Variants in PTPRT observed in about 807,000 individuals in gnomAD.
PTPRT encodes the protein receptor-type tyrosine-protein phosphatase T.
A neutral mutation model predicts 176.8 loss-of-function variants in PTPRT; 56 were observed. The observed-to-expected ratio is 0.32, with a 90% CI of 0.26 to 0.40. The LOEUF (loss-of-function observed/expected upper bound fraction) is 0.40, where lower values mean the gene tolerates loss of function less well. PTPRT is among the 10% of genes least tolerant of loss of function. The pLI, the probability that PTPRT is intolerant of heterozygous loss-of-function variation, is 1.00. For missense variants in PTPRT, 1,540 were observed against 1,908.2 expected (o/e 0.81, Z 3.60); for synonymous variants, 783 against 739.0 (o/e 1.06, Z -0.96).
intron 12 of PTPRT, among the ~76,000 whole-genome samples, chr20:42,315,446 T>C (rs764961607): frequency 2.0e-5 from 3 of 152,182 alleles, no homozygotes; most frequent in East Asian, 1.9e-4. Context: ...AAAGGTTTTA[T>C]GTAAAAAGCC....
At chr20:43,090,429 G>A (rs1014007072) in intron 1 of PTPRT, among the ~76,000 whole-genome samples, 3 of 152,000 alleles carry the variant, frequency 2.0e-5, no homozygotes, top group Non-Finnish European at 2.9e-5. Context: ...CACCACGCCT[G>A]GCTAATTTTT....
At chr20:42,590,216 T>C (rs1440602000) in intron 7 of PTPRT, among the ~76,000 whole-genome samples, 1 of 152,090 alleles carries the variant, frequency 6.6e-6, no homozygotes, top group Non-Finnish European at 1.5e-5. Context: ...ACCTCCAGAC[T>C]TGTGAGTGAG....
intron 1 of PTPRT, among the ~76,000 whole-genome samples, chr20:42,890,515 A>T (rs529393512): frequency 6.6e-6 from 1 of 152,334 alleles, no homozygotes; most frequent in Admixed American, 6.5e-5. Context: ...TTCAGAAAGA[A>T]CTGGAACTCT....
chr20:43,043,753 T>C (rs1986728303), intron 1 of PTPRT, among the ~76,000 whole-genome samples: 1 of 152,156 alleles, frequency 6.6e-6, no homozygotes. Context: ...CCTTCCTATT[T>C]AACAAATGGG....
chr20:42,977,738 T>C (rs1983031217), intron 1 of PTPRT, among the ~76,000 whole-genome samples: 1 of 152,244 alleles, frequency 6.6e-6, no homozygotes, highest in African/African-American at 2.4e-5. Context: ...CTGCAGATAA[T>C]TATATCAAAT....
chr20:42,256,560 A>G (rs2056644224), intron 13 of PTPRT, among the ~76,000 whole-genome samples: 1 of 152,008 alleles, frequency 6.6e-6, no homozygotes, highest in South Asian at 2.1e-4. Context: ...ACAGGAAAAA[A>G]AAATAGACTA....
chr20:42,538,488 A>G (rs6093672), intron 7 of PTPRT, among the ~76,000 whole-genome samples: 39,710 of 152,030 alleles, frequency 0.26, 6,987 homozygotes, highest in African/African-American at 0.5. Context: ...AAGCATGTAA[A>G]AGCATCTTGA....
chr20:42,273,103 C>T (rs1009246007), intron 13 of PTPRT, among the ~76,000 whole-genome samples: 1 of 152,174 alleles, frequency 6.6e-6, no homozygotes, highest in Non-Finnish European at 1.5e-5. Flanking sequence ...CATTGCCTCT[C>T]CCATGAACTA....
At chr20:42,747,757 G>A (rs1415660442) in intron 6 of PTPRT, among the ~76,000 whole-genome samples, 1 of 152,162 alleles carries the variant, frequency 6.6e-6, no homozygotes, top group South Asian at 2.1e-4. Context: ...GAGAATAAGA[G>A]GGCAAATATG....
At chr20:43,041,070 T>C (rs1986585699) in intron 1 of PTPRT, among the ~76,000 whole-genome samples, 1 of 152,190 alleles carries the variant, frequency 6.6e-6, no homozygotes, top group Non-Finnish European at 1.5e-5. Context: ...CCCAGCAATC[T>C]GTGGTTTAAC....
At chr20:42,479,293 C>G (rs932858308) in intron 7 of PTPRT, among the ~76,000 whole-genome samples, 2 of 152,156 alleles carry the variant, frequency 1.3e-5, no homozygotes, top group African/African-American at 4.8e-5. Flanking sequence ...GGGGATGGGG[C>G]TGAAAATGTG....
At chr20:43,130,657 TG>T (rs1186968180) in intron 1 of PTPRT, among the ~76,000 whole-genome samples, 1 of 152,140 alleles carries the variant, frequency 6.6e-6, no homozygotes, top group East Asian at 1.9e-4. Flanking sequence ...TATATGCCTC[TG>T]AAAATAATCT....
intron 7 of PTPRT, among the ~76,000 whole-genome samples, chr20:42,653,700 C>T (rs1569057985): frequency 1.3e-5 from 2 of 152,190 alleles, no homozygotes; most frequent in Non-Finnish European, 2.9e-5. Context: ...AAAATAGTTT[C>T]ATTTTCAACA....
At chr20:42,706,192 T>TGC (rs1443641889) in intron 6 of PTPRT, among the ~76,000 whole-genome samples, 1 of 102,342 alleles carries the variant, frequency 9.8e-6, no homozygotes, top group Non-Finnish European at 2.4e-5. Flanking sequence ...TGTGTGTGTG[T>TGC]GTGTGTGTGT....
intron 14 of PTPRT, among the ~76,000 whole-genome samples, chr20:42,241,726 C>A (rs1361814742): frequency 2.0e-5 from 3 of 151,928 alleles, no homozygotes; most frequent in Admixed American, 6.6e-5. Flanking sequence ...CACGTGAGTG[C>A]AAGCAGAAGG....
At chr20:42,697,999 T>A (rs114486587) in intron 6 of PTPRT, among the ~76,000 whole-genome samples, 2,098 of 152,268 alleles carry the variant, frequency 0.014, 51 homozygotes, top group African/African-American at 0.048. Context: ...TAACTTTTTT[T>A]AAAAAAAGAA....
intron 1 of PTPRT, among the ~76,000 whole-genome samples, chr20:43,041,396 T>G (rs541661081): frequency 6.6e-6 from 1 of 152,354 alleles, no homozygotes; most frequent in Non-Finnish European, 1.5e-5. Flanking sequence ...TTTATGAAGG[T>G]GACAACAGAG....
chr20:42,292,263 C>A (rs1568745225), intron 12 of PTPRT, among the ~76,000 whole-genome samples: 1 of 152,080 alleles, frequency 6.6e-6, no homozygotes, highest in African/African-American at 2.4e-5. Context: ...CAATGGGACT[C>A]ACTCACTTAA....
At chr20:42,381,496 C>A (rs910180728) in intron 9 of PTPRT, among the ~76,000 whole-genome samples, 1 of 152,110 alleles carries the variant, frequency 6.6e-6, no homozygotes, top group African/African-American at 2.4e-5. Flanking sequence ...GAGAAGTAAA[C>A]ATTTGATGTT....
Sources: allele counts gnomAD v4.1 joint callset (sites outside exome capture counted in the v4.1 genomes callset), GRCh38; gene constraint gnomAD v4.1.1; transcripts MANE v1.5; gene names NCBI Gene and HGNC (gene_info 2026-07-23, HGNC 2026-07-21).